CUX2: variants seen among roughly 807,000 people sequenced by gnomAD.
CUX2 encodes the protein cut like homeobox 2.
CUX2 carries 40 observed loss-of-function variants against 144.8 expected under a neutral mutation model. The ratio of observed to expected loss-of-function variants is 0.28; its 90% CI spans 0.21 to 0.36. CUX2 has a LOEUF of 0.36. Among genes scored for constraint, CUX2 ranks in the 10% least tolerant of loss-of-function variants. CUX2 has a pLI of 1.00. For synonymous variants in CUX2, 827 were observed against 875.6 expected (o/e 0.94, Z 0.98); for missense variants, 1,615 against 1,994.0 (o/e 0.81, Z 3.62).
At chr12:111,225,646 G>C (rs531944448) in intron 3 of CUX2, among the ~76,000 whole-genome samples, 1 of 152,322 alleles carries the variant, frequency 6.6e-6, no homozygotes, top group South Asian at 2.1e-4. Flanking sequence ...GGTGCAGAAG[G>C]AGCTGAGGAT....
At position 111,188,804 on chromosome 12, in the gene CUX2, C is replaced by T. The variant is rs139838992; in HGVS notation, c.64-25396C>T. ...GTAGGATCTGATTCATGTTTGTGAA[C>T]GCACCCATGGTTGTTGGAAGAGAGG... On this transcript the variant is annotated intron_variant, in intron 1 of 21. Transcript: ENST00000261726. 8.1e-4 allele frequency among the ~76,000 whole-genome samples: 123 copies of T among 152,182 alleles called. 1 individual carries two copies. Among genetic ancestry groups the T allele is most frequent in the African/African-American group, 2.8e-3 (116 of 41,514 alleles).
intron 1 of CUX2, among the ~76,000 whole-genome samples, chr12:111,129,403 A>G (rs1325671122): frequency 6.6e-6 from 1 of 151,244 alleles, no homozygotes. Context: ...TGAAAGCACA[A>G]TGCTTCCATC....
At chr12:111,145,144 G>A (rs1303794919) in intron 1 of CUX2, among the ~76,000 whole-genome samples, 1 of 152,176 alleles carries the variant, frequency 6.6e-6, no homozygotes, top group African/African-American at 2.4e-5. Context: ...CAGGGCACAG[G>A]GACAGAAGGG....
At chr12:111,294,622 C>T (rs994283134) in intron 6 of CUX2, among the ~76,000 whole-genome samples, 2 of 150,588 alleles carry the variant, frequency 1.3e-5, no homozygotes, top group African/African-American at 4.9e-5. Flanking sequence ...ACAGGCCGGG[C>T]GTGGTGGCTC....
At chr12:111,311,553 T>C (rs984199684) in intron 15 of CUX2, among the ~76,000 whole-genome samples, 2 of 151,664 alleles carry the variant, frequency 1.3e-5, no homozygotes, top group African/African-American at 2.4e-5. Context: ...ACTCCCAAAG[T>C]GCTGGGATTA....
At chr12:111,067,432 C>A (rs1389983523) in intron 1 of CUX2, among the ~76,000 whole-genome samples, 1 of 152,198 alleles carries the variant, frequency 6.6e-6, no homozygotes, top group East Asian at 1.9e-4. Context: ...GTGAAACCAG[C>A]CTGCAGGGAG....
At chr12:111,119,439 A>C (rs1232830859) in intron 1 of CUX2, among the ~76,000 whole-genome samples, 1 of 149,942 alleles carries the variant, frequency 6.7e-6, no homozygotes. Context: ...CCCCATCTTT[A>C]AAAAAAAAAT....
rs1879565937 is a variant in CUX2, at chr12:111,186,817, C to T, written c.64-27383C>T. On this transcript the variant is annotated intron_variant, in intron 1 of 21. Transcript: ENST00000261726. The surrounding 1 kb of genome is among the most constrained non-coding windows in gnomAD (Gnocchi z 4.4). Reference sequence around the variant, plus strand: ...TTTTTGAGACAGAATTTCACCGCATCACCCAGACTGGAGTGCAGTGGTGCA... The same window carrying T: ...TTTTTGAGACAGAATTTCACCGCATTACCCAGACTGGAGTGCAGTGGTGCA... Among the ~76,000 whole-genome samples the T allele has an allele frequency of 2.7e-5, 4 of 150,534 alleles. No homozygotes were observed. In the South Asian group the frequency reaches 8.4e-4, roughly 32 times the overall value.
In CUX2 at chr12:111,068,977, G is replaced by A. The variant is rs899944007; in HGVS notation, c.63+34737G>A. Among the ~76,000 whole-genome samples the A allele has an allele frequency of 2.6e-5, 4 of 152,140 alleles. No individual in the cohort carries two copies. Among genetic ancestry groups the A allele is most frequent in the African/African-American group, 7.2e-5 (3 of 41,416 alleles). On this transcript the variant is annotated intron_variant, in intron 1 of 21. Coordinates refer to ENST00000261726, the MANE Select transcript of CUX2 (RefSeq NM_015267.4). The surrounding 1 kb of genome is among the most constrained non-coding windows in gnomAD (Gnocchi z 4.9). Reference sequence around the variant, plus strand: ...AAAAAATAGCCGGACTGGGTGGCCTGTACCTGTAATCTCAGCTACTCGGGA... The same window carrying A: ...AAAAAATAGCCGGACTGGGTGGCCTATACCTGTAATCTCAGCTACTCGGGA...
chr12:111,332,190 T>TG (rs1206078225), intron 18 of CUX2, among the ~76,000 whole-genome samples: 1 of 137,574 alleles, frequency 7.3e-6, no homozygotes, highest in Non-Finnish European at 1.5e-5. Flanking sequence ...TGGAGTGCAG[T>TG]GGTGTGATCT....
At chr12:111,210,125 G>C (rs913208455) in intron 1 of CUX2, among the ~76,000 whole-genome samples, 26 of 152,174 alleles carry the variant, frequency 1.7e-4, no homozygotes, top group Non-Finnish European at 5.9e-5. Flanking sequence ...TGTGTGTGTG[G>C]TAGTTTGGAC....
intron 1 of CUX2, among the ~76,000 whole-genome samples, chr12:111,132,144 T>C (rs1168976489): frequency 3.3e-5 from 5 of 152,228 alleles, no homozygotes; most frequent in African/African-American, 7.2e-5. Flanking sequence ...ACCTCAATTC[T>C]TGACTTCTCT....
intron 3 of CUX2, among the ~76,000 whole-genome samples, chr12:111,229,180 C>T (rs4766559): frequency 0.22 from 34,087 of 152,052 alleles, 4,863 homozygotes; most frequent in East Asian, 0.57. Flanking sequence ...CGAATGCTGC[C>T]TCCACAAAGG....
chr12:111,282,141 G>T (rs1327904367), intron 4 of CUX2, among the ~76,000 whole-genome samples: 1 of 151,962 alleles, frequency 6.6e-6, no homozygotes, highest in Non-Finnish European at 1.5e-5. Flanking sequence ...CTAACACGGT[G>T]AAACCCCGTC....
Position 111,034,297 on chromosome 12 carries a change from G to A in CUX2, c.63+57G>A. 1.7e-6 allele frequency: 2 copies of A among 1,174,750 alleles called. No individual in the cohort carries two copies. The highest frequency in any genetic ancestry group is 2.7e-5 in the Admixed American group (1 of 36,842). The allele number at this position is 1,174,750 out of a possible 1,614,324, so 72.8% of individuals were successfully genotyped here. On this transcript the variant is annotated intron_variant, in intron 1 of 21. Transcript: ENST00000261726. The surrounding 1 kb of genome is among the most constrained non-coding windows in gnomAD (Gnocchi z 4.2). Reference sequence around the variant, plus strand: ...TGAGGAGCCCCCGGGCGCGCCCTGGGCGCATTGGGGAGGTCCCCGGGCGGG... The same window carrying A: ...TGAGGAGCCCCCGGGCGCGCCCTGGACGCATTGGGGAGGTCCCCGGGCGGG...
intron 19 of CUX2, 143 bp from the exon 20 acceptor site, chr12:111,338,143 G>A (rs970389139): frequency 3.7e-6 from 3 of 814,082 alleles, no homozygotes; most frequent in South Asian, 2.4e-5. Flanking sequence ...TGGGTCCTCC[G>A]CCGTCTCTGG....
intron 1 of CUX2, among the ~76,000 whole-genome samples, chr12:111,038,941 C>G (rs1592841039): frequency 6.6e-6 from 1 of 151,110 alleles, no homozygotes; most frequent in African/African-American, 2.4e-5. Flanking sequence ...GTTTTTCTTT[C>G]TTTTACTTTT....
At chr12:111,116,782 A>G (rs1294968753) in intron 1 of CUX2, among the ~76,000 whole-genome samples, 1 of 149,494 alleles carries the variant, frequency 6.7e-6, no homozygotes, top group Non-Finnish European at 1.5e-5. Context: ...GAGCAATGGG[A>G]AAAAAAATCT....
At chr12:111,140,337 C>G (rs1322341899) in intron 1 of CUX2, among the ~76,000 whole-genome samples, 2 of 152,342 alleles carry the variant, frequency 1.3e-5, no homozygotes, top group Middle Eastern at 3.4e-3. Context: ...TTGAAGGCAA[C>G]TCTCACTTTC....
Sources: allele counts gnomAD v4.1 joint callset (sites outside exome capture counted in the v4.1 genomes callset), GRCh38; gene constraint gnomAD v4.1.1; non-coding constraint Gnocchi (gnomAD v3.1); transcripts MANE v1.5; gene names NCBI Gene and HGNC (gene_info 2026-07-23, HGNC 2026-07-21).